NCKAP5: variants seen among roughly 807,000 people sequenced by gnomAD.
The protein encoded by NCKAP5 is NCK associated protein 5.
In NCKAP5, 92 loss-of-function variants were observed where a neutral mutation model predicts 167.0. The ratio of observed to expected loss-of-function variants is 0.55; its 90% confidence interval spans 0.47 to 0.66. The LOEUF (loss-of-function observed/expected upper bound fraction) is 0.66. NCKAP5 is among the 30% of genes least tolerant of loss of function. The pLI is 0.00. For missense variants in NCKAP5, 2,378 were observed against 2,315.0 expected, an observed-to-expected ratio of 1.03 and a Z score of -0.56; for synonymous variants, 891 against 877.4, an observed-to-expected ratio of 1.02 and a Z score of -0.27.
In NCKAP5 at chr2:133,317,256, T is replaced by C. The variant is rs555545120; in HGVS notation, c.70-14146A>G. ...ACCAGAACCCAAAACACATCCAGGA[T>C]AAAATCACCATGAAGATGAGGACTG... On this transcript the variant is annotated intron_variant, in intron 3 of 19. Coordinates refer to ENST00000409261, the MANE Select transcript of NCKAP5 (RefSeq NM_207363.3). Among the ~76,000 whole-genome samples the C allele has an allele frequency of 6.6e-5, 10 of 152,138 alleles. No individual in the cohort carries two copies. The South Asian group carries it at 2.1e-3, about 32-fold the overall frequency.
chr2:132,874,170 G>T (rs998802515), intron 9 of NCKAP5, among the ~76,000 whole-genome samples: 1 of 140,666 alleles, frequency 7.1e-6, no homozygotes, highest in Non-Finnish European at 1.5e-5. Context: ...GTGCAGTGGC[G>T]CAATCTCAGC....
chr2:132,911,966 G>A (rs1267618859), intron 8 of NCKAP5, among the ~76,000 whole-genome samples: 3 of 152,190 alleles, frequency 2.0e-5, no homozygotes, highest in Admixed American at 2.0e-4. Flanking sequence ...CACAGTGTCT[G>A]CCTGGAGGAG....
chr2:133,603,226 T>G, the NCKAP5 span, among the ~76,000 whole-genome samples: 544 of 102,234 alleles, frequency 5.3e-3, 7 homozygotes, highest in African/African-American at 0.028. Flanking sequence ...TTCTTTTTCT[T>G]TCTTTTTTTT....
chr2:133,266,678 C>G (rs1401630734), intron 4 of NCKAP5, among the ~76,000 whole-genome samples: 1 of 152,164 alleles, frequency 6.6e-6, no homozygotes, highest in Non-Finnish European at 1.5e-5. Flanking sequence ...GCCTGGGCCA[C>G]GCGCTCACCG....
chr2:132,860,828 G>C (rs1689846974), intron 10 of NCKAP5, among the ~76,000 whole-genome samples: 1 of 152,092 alleles, frequency 6.6e-6, no homozygotes, highest in South Asian at 2.1e-4. Context: ...AAAGCACCTT[G>C]AAATCAGAAA....
chr2:132,759,556 T>C (rs530966200), intron 16 of NCKAP5, among the ~76,000 whole-genome samples: 23 of 152,268 alleles, frequency 1.5e-4, no homozygotes, highest in Middle Eastern at 3.4e-3. Flanking sequence ...ATGCCAAACT[T>C]AACTCCCAAA....
chr2:132,927,594 G>A (rs922797733), intron 8 of NCKAP5, among the ~76,000 whole-genome samples: 10 of 152,006 alleles, frequency 6.6e-5, no homozygotes, highest in African/African-American at 1.4e-4. Flanking sequence ...TTGGTTAAAC[G>A]TATTCCCAGG....
In NCKAP5 at chr2:132,866,676, C is replaced by T. The variant is rs541764992; in HGVS notation, c.687+2260G>A. Among the ~76,000 whole-genome samples the T allele has an allele frequency of 3.9e-5, 6 of 152,266 alleles. No homozygotes were observed. The South Asian group carries it at 1.2e-3, about 32-fold the overall frequency. ...GCTGCCCAGTGAAGAGCTGAAGCCA[C>T]AGCAGATTTGCCTTTGTGTCATAAC... On this transcript the variant is annotated intron_variant, in intron 10 of 19. Coordinates refer to ENST00000409261, the MANE Select transcript of NCKAP5 (RefSeq NM_207363.3).
At chr2:133,289,977 G>C (rs553327564) in intron 4 of NCKAP5, among the ~76,000 whole-genome samples, 22 of 152,060 alleles carry the variant, frequency 1.4e-4, no homozygotes, top group Admixed American at 8.5e-4. Context: ...AACAGCAAGG[G>C]GGAAATTCAC....
chr2:133,000,138 C>T (rs1233885014), intron 6 of NCKAP5, among the ~76,000 whole-genome samples: 1 of 152,072 alleles, frequency 6.6e-6, no homozygotes, highest in Non-Finnish European at 1.5e-5. Flanking sequence ...CTTTGATTCC[C>T]CCATGCCATG....
intron 6 of NCKAP5, among the ~76,000 whole-genome samples, chr2:133,112,878 C>G (rs1366839073): frequency 6.6e-6 from 1 of 152,202 alleles, no homozygotes; most frequent in Non-Finnish European, 1.5e-5. Context: ...TGTTTTATTT[C>G]TATTAGAGAT....
chr2:133,498,480 A>AAGGC (rs60553398), intron 3 of NCKAP5, among the ~76,000 whole-genome samples: 1,773 of 101,634 alleles, frequency 0.017, 39 homozygotes, highest in East Asian at 0.035. Context: ...GGAAGGAAGG[A>AAGGC]AGGCAGGCAG....
chr2:132,930,648 T>A (rs1200697373), intron 8 of NCKAP5: 1 of 152,218 alleles, frequency 6.6e-6, no homozygotes, highest in Admixed American at 6.5e-5. Context: ...TTTCCTGGTT[T>A]TCCAGCTGCA....
chr2:133,195,868 A>C (rs1470090886), intron 5 of NCKAP5, among the ~76,000 whole-genome samples: 1 of 152,170 alleles, frequency 6.6e-6, no homozygotes, highest in Non-Finnish European at 1.5e-5. Flanking sequence ...TTAACAAGGA[A>C]AATAAGACTG....
chr2:133,500,845 C>T lies in NCKAP5; in HGVS notation c.69+16613G>A, dbSNP rs1448913216. 2.6e-5 allele frequency among the ~76,000 whole-genome samples: 4 copies of T among 152,238 alleles called. No homozygotes were observed. The East Asian group carries it at 5.8e-4, about 22-fold the overall frequency. ...TATCTCTCTTCACTAATAACTGATG[C>T]CTGCAATTCCATCATAGACATTTCC... On this transcript the variant is annotated intron_variant, in intron 3 of 19. Coordinates refer to ENST00000409261, the MANE Select transcript of NCKAP5 (RefSeq NM_207363.3).
chr2:133,045,592 G>A (rs2079370628), intron 6 of NCKAP5, among the ~76,000 whole-genome samples: 1 of 152,014 alleles, frequency 6.6e-6, no homozygotes, highest in Non-Finnish European at 1.5e-5. Context: ...GGTGCCCAGG[G>A]GATGCCTGAA....
the NCKAP5 span, among the ~76,000 whole-genome samples, chr2:133,666,900 C>T: frequency 6.6e-6 from 1 of 151,846 alleles, no homozygotes; most frequent in Non-Finnish European, 1.5e-5. Context: ...GCATATAAGT[C>T]TGAGAGGGAG....
At chr2:133,638,036 G>C in the NCKAP5 span, among the ~76,000 whole-genome samples, 1 of 152,128 alleles carries the variant, frequency 6.6e-6, no homozygotes, top group African/African-American at 2.4e-5. Flanking sequence ...AGATTCCGAT[G>C]ATAGCAGATC....
chr2:132,737,707 GA>G (rs1197007010), intron 16 of NCKAP5, among the ~76,000 whole-genome samples: 1 of 152,134 alleles, frequency 6.6e-6, no homozygotes, highest in Non-Finnish European at 1.5e-5. Flanking sequence ...GGGGTGCTTT[GA>G]GGACTAGAAA....
Sources: allele counts gnomAD v4.1 joint callset (sites outside exome capture counted in the v4.1 genomes callset), GRCh38; gene constraint gnomAD v4.1.1; transcripts MANE v1.5; gene names NCBI Gene and HGNC (gene_info 2026-07-23, HGNC 2026-07-21).